Variants in PCMTD1 observed in about 807,000 individuals in gnomAD.
The protein encoded by PCMTD1 is protein-L-isoaspartate O-methyltransferase domain-containing protein 1.
Under a neutral mutation model 37.6 loss-of-function variants are expected in PCMTD1, and 12 were observed. The ratio of observed to expected loss-of-function variants is 0.32; its 90% confidence interval spans 0.20 to 0.52. The LOEUF is 0.52. Ranked by LOEUF, PCMTD1 falls within the 20% of genes least tolerant of loss-of-function variation. PCMTD1 has a pLI of 0.97. For synonymous variants in PCMTD1, 117 were observed against 135.8 expected, an observed-to-expected ratio of 0.86 and a Z score of 0.96; for missense variants, 235 against 421.3, an observed-to-expected ratio of 0.56 and a Z score of 3.87.
rs145679428 is a variant in PCMTD1 at position 51,832,187 on chromosome 8, G to A, written c.583-620C>T. Among the ~76,000 whole-genome samples, 936 of 152,258 alleles carry A rather than the reference G, an allele frequency of 6.1e-3. 8 individuals are homozygous for A. Among genetic ancestry groups the A allele is most frequent in the Admixed American group, 0.015 (227 of 15,288 alleles). On this transcript the variant is annotated intron_variant, in intron 4 of 5. Coordinates refer to ENST00000522514, the MANE Select transcript of PCMTD1 (RefSeq NM_052937.4). ...CAGCTCGTTATTACATCTGATGTTT[G>A]TAAAATAGTATAGAGTAAATGTTTA...
In PCMTD1 at chr8:51,820,351, T is replaced by C; in HGVS notation, c.1074A>G (p.Ter358=). The C allele has an allele frequency of 6.4e-7, 1 of 1,559,208 alleles. No individual in the cohort carries two copies. The highest frequency in any genetic ancestry group is 8.6e-7 in the Non-Finnish European group (1 of 1,159,242). ...KAYLTYFRDK[*] ...TAGGCATTTTTCTTCTTGATCTAAG[T>C]TATTTGTCTCTAAAATATGTCAAGT... Residue 358 remains the stop codon, a stop_retained_variant, in exon 6 of 6, where the codon TAA becomes TAG. Coordinates refer to ENST00000522514, the MANE Select transcript of PCMTD1 (RefSeq NM_052937.4).
chr8:51,822,107 A>G (rs1338002370), intron 5 of PCMTD1, among the ~76,000 whole-genome samples: 9 of 152,188 alleles, frequency 5.9e-5, no homozygotes, highest in South Asian at 2.1e-4. Context: ...TCTAGATGAT[A>G]TAACAGCCAT....
chr8:51,821,046 C>G (rs1423192496), intron 5 of PCMTD1, among the ~76,000 whole-genome samples: 3 of 152,152 alleles, frequency 2.0e-5, no homozygotes, highest in Non-Finnish European at 4.4e-5. Flanking sequence ...AGGAGAGAGA[C>G]TATCCTGTGT....
At chr8:51,831,785 G>A (rs544159911) in intron 4 of PCMTD1, among the ~76,000 whole-genome samples, 1 of 152,298 alleles carries the variant, frequency 6.6e-6, no homozygotes, top group East Asian at 1.9e-4. Context: ...ACGCAAATGG[G>A]ATACTCAAAT....
chr8:51,822,328 A>C (rs1172025427), intron 5 of PCMTD1, among the ~76,000 whole-genome samples: 4 of 151,230 alleles, frequency 2.6e-5, no homozygotes, highest in Non-Finnish European at 5.9e-5. Context: ...TTTTGAAGAT[A>C]GGATGGAAAT....
chr8:51,866,828 G>A (rs2038562042), intron 1 of PCMTD1, among the ~76,000 whole-genome samples: 2 of 152,026 alleles, frequency 1.3e-5, no homozygotes, highest in East Asian at 3.9e-4. Flanking sequence ...TTTACTAATT[G>A]TTTACAAGCA....
chr8:51,851,652 C>CA (rs1366776457), intron 2 of PCMTD1, among the ~76,000 whole-genome samples: 1 of 127,714 alleles, frequency 7.8e-6, no homozygotes, highest in Non-Finnish European at 1.8e-5. Context: ...GATTTTGACT[C>CA]AAATTCTTTT....
intron 2 of PCMTD1, among the ~76,000 whole-genome samples, chr8:51,854,704 C>A (rs2038357357): frequency 6.6e-6 from 1 of 152,038 alleles, no homozygotes; most frequent in Non-Finnish European, 1.5e-5. Context: ...CAGTGAAACC[C>A]CGTCTCTACT....
At chr8:51,874,795 T>A (rs1467840446) in intron 1 of PCMTD1, among the ~76,000 whole-genome samples, 1 of 152,220 alleles carries the variant, frequency 6.6e-6, no homozygotes, top group Non-Finnish European at 1.5e-5. Context: ...TTTCATGTGA[T>A]GTTTTCCCCA....
At position 51,817,973 on chromosome 8, in the gene PCMTD1, G is replaced by A. The variant is rs1321833963; in HGVS notation, c.*2378C>T. ...TAGATGATACTTACTGTTTTAACTA[G>A]CTATAAAATTCCAATACTATATTCC... On this transcript the variant is annotated 3_prime_UTR_variant, in exon 6 of 6. Transcript: ENST00000522514. The A allele has an allele frequency of 4.4e-6, 2 of 456,222 alleles. No individual in the cohort carries two copies. Among genetic ancestry groups the A allele is most frequent in the East Asian group, 1.4e-4 (2 of 14,376 alleles). 28.3% of individuals were successfully genotyped at this position (456,222 alleles called of 1,614,324 possible). A position where few individuals can be genotyped will look rare whatever the true frequency, so the allele number is the denominator to read the frequency against.
At chr8:51,876,144 A>T (rs1585844221) in intron 1 of PCMTD1, among the ~76,000 whole-genome samples, 2 of 152,092 alleles carry the variant, frequency 1.3e-5, no homozygotes, top group Admixed American at 1.3e-4. Context: ...ACATATTACC[A>T]TTTCAAGAAA....
chr8:51,862,457 A>C (rs1202866052), intron 1 of PCMTD1, among the ~76,000 whole-genome samples: 1 of 152,234 alleles, frequency 6.6e-6, no homozygotes, highest in Non-Finnish European at 1.5e-5. Context: ...GAAAACTAAA[A>C]AAATTTCAAA....
chr8:51,859,178 T>C (rs568628750), intron 2 of PCMTD1, among the ~76,000 whole-genome samples: 12 of 152,040 alleles, frequency 7.9e-5, no homozygotes, highest in Admixed American at 7.2e-4. Context: ...GTATAAGGCT[T>C]GGACTCCAGC....
In PCMTD1 at chr8:51,861,131, A is replaced by G. The variant is rs760639344; in HGVS notation, c.21T>C (p.Ala7=). 4.3e-6 allele frequency: 7 copies of G among 1,613,544 alleles called. No individual in the cohort carries two copies. The African/African-American group carries it at 9.3e-5, about 22-fold the overall frequency. MGGAVS[A]GEDNDDLIDN... is the part of the protein sequence containing the mutation. ...CAATTAAGTCATCATTATCTTCCCCAGCACTCACAGCTCCTCCCATGATAG... is the reference window on the plus strand; with the variant it reads ...CAATTAAGTCATCATTATCTTCCCCGGCACTCACAGCTCCTCCCATGATAG... Residue 7 remains alanine, a synonymous_variant, in exon 2 of 6, where the codon GCT becomes GCC. Transcript: ENST00000522514.
intron 1 of PCMTD1, among the ~76,000 whole-genome samples, chr8:51,880,699 G>A (rs2038778857): frequency 1.3e-5 from 2 of 152,098 alleles, no homozygotes; most frequent in African/African-American, 2.4e-5. Flanking sequence ...TACTTTGCTT[G>A]TTGTCTGCCA....
At chr8:51,888,835 T>C (rs554422820) in intron 1 of PCMTD1, among the ~76,000 whole-genome samples, 1 of 152,294 alleles carries the variant, frequency 6.6e-6, no homozygotes, top group Non-Finnish European at 1.5e-5. Context: ...ACTCAACCAT[T>C]TCTTAGTGGC....
Position 51,818,605 on chromosome 8 carries a change from T to A in PCMTD1, c.*1746A>T, listed in dbSNP as rs2037797039. On this transcript the variant is annotated 3_prime_UTR_variant, in exon 6 of 6. Transcript: ENST00000522514. ...TTTTTTTCTTTCCTAGATACAAAAA[T>A]GATATGGGGCATTTCTTAACAGTTT... 6.6e-6 allele frequency: 1 copy of A among 152,344 alleles called. No individual in the cohort carries two copies. The highest frequency in any genetic ancestry group is 1.5e-5 in the Non-Finnish European group (1 of 68,086). 9.4% of individuals were successfully genotyped at this position (152,344 alleles called of 1,614,324 possible).
chr8:51,831,659 G>T, intron 4 of PCMTD1, 92 bp from the exon 5 acceptor site: 1 of 1,242,384 alleles, frequency 8.0e-7, no homozygotes, highest in Non-Finnish European at 1.1e-6. Context: ...GGGAACAACT[G>T]CCAGTTAGAG....
At chr8:51,837,384 C>T (rs2038083390) in intron 3 of PCMTD1, among the ~76,000 whole-genome samples, 1 of 151,774 alleles carries the variant, frequency 6.6e-6, no homozygotes, top group Non-Finnish European at 1.5e-5. Context: ...TATACTATTA[C>T]TAAATTTAAA....
Sources: allele counts gnomAD v4.1 joint callset (sites outside exome capture counted in the v4.1 genomes callset), GRCh38; gene constraint gnomAD v4.1.1; transcripts MANE v1.5; gene names NCBI Gene and HGNC (gene_info 2026-07-23, HGNC 2026-07-21).